Variants in HMGB1 observed in about 807,000 individuals in gnomAD.
HMGB1 encodes the protein high mobility group box 1.
For missense variants in HMGB1, 79 were observed against 253.5 expected (o/e 0.31, Z 4.67); for synonymous variants, 81 against 84.0 (o/e 0.96, Z 0.19).
At chr13:30,564,276 T>C (rs76753168) in intron 1 of HMGB1, among the ~76,000 whole-genome samples, 2 of 42,354 alleles carry the variant, frequency 4.7e-5, no homozygotes, top group Non-Finnish European at 8.5e-5. Flanking sequence ...CTACTAAAAA[T>C]GCAAAAAAAA....
chr13:30,463,906 A>G, intron 1 of HMGB1: 1 of 476,524 alleles, frequency 2.1e-6, no homozygotes, highest in Non-Finnish European at 3.5e-6. Context: ...ACAGTCCTTC[A>G]GGGCGATCTC....
At chr13:30,479,825 T>C (rs1232588591) in intron 1 of HMGB1, among the ~76,000 whole-genome samples, 1 of 152,240 alleles carries the variant, frequency 6.6e-6, no homozygotes, top group Non-Finnish European at 1.5e-5. Flanking sequence ...CAACAGATGT[T>C]GGATGTTATT....
chr13:30,572,302 T>TATG (rs1195427024), intron 1 of HMGB1, among the ~76,000 whole-genome samples: 2 of 152,250 alleles, frequency 1.3e-5, no homozygotes, highest in East Asian at 3.8e-4. Flanking sequence ...AACTTAGCTC[T>TATG]CAGAGACCGT....
chr13:30,579,698 C>A (rs1287177928), intron 1 of HMGB1, among the ~76,000 whole-genome samples: 1 of 152,092 alleles, frequency 6.6e-6, no homozygotes, highest in African/African-American at 2.4e-5. Context: ...CATAAGAGAA[C>A]GTACGTAAAT....
chr13:30,505,339 T>A (rs371236704), intron 1 of HMGB1, among the ~76,000 whole-genome samples: 2 of 151,896 alleles, frequency 1.3e-5, no homozygotes, highest in Admixed American at 6.6e-5. Context: ...CCACCAGGCC[T>A]GGCTAATTTT....
In HMGB1 at chr13:30,575,946, C is replaced by T. The variant is rs1279094059; in HGVS notation, c.-15+40725G>A. ...AGTGTGCTCAGGACATAACAGGAGC[C>T]GCTGGTAACATGCCATTTCCACTGT... On this transcript the variant is annotated intron_variant, in intron 1 of 4. Coordinates refer to the HMGB1 transcript ENST00000405805. 5.3e-5 allele frequency among the ~76,000 whole-genome samples: 8 copies of T among 152,130 alleles called. No individual in the cohort carries two copies. The East Asian group carries it at 1.2e-3, about 22-fold the overall frequency.
chr13:30,509,327 C>T (rs777855379), intron 1 of HMGB1, among the ~76,000 whole-genome samples: 27 of 151,988 alleles, frequency 1.8e-4, no homozygotes, highest in Non-Finnish European at 3.5e-4. Flanking sequence ...CAACCTCTGC[C>T]TCCTGGGTTC....
Position 30,460,596 on chromosome 13 carries a change from A to G in HMGB1, c.*761T>C, listed in dbSNP as rs1886260011. The G allele has an allele frequency of 6.6e-6, 1 of 152,626 alleles. No individual in the cohort carries two copies. Among genetic ancestry groups the G allele is most frequent in the South Asian group, 2.1e-4 (1 of 4,836 alleles). 9.5% of individuals were successfully genotyped at this position (152,626 alleles called of 1,614,324 possible). ...CAAGGACAGACTTTCAAAATGTTTG[A>G]TTCTAATAATCCCATGCTTTGAGTA... On this transcript the variant is annotated 3_prime_UTR_variant, in exon 5 of 5. Coordinates refer to ENST00000341423, the MANE Select transcript of HMGB1 (RefSeq NM_002128.7).
In HMGB1 at chr13:30,572,802, C is replaced by A. The variant is rs779174474; in HGVS notation, c.-15+43869G>T. On this transcript the variant is annotated intron_variant, in intron 1 of 4. Transcript: ENST00000405805. ...TGGGATTAAAAGAGACCGTGATTACCCTTCAGGGATTTTGGCAAAACTTAA... is the reference window on the plus strand; with the variant it reads ...TGGGATTAAAAGAGACCGTGATTACACTTCAGGGATTTTGGCAAAACTTAA... Among the ~76,000 whole-genome samples, 146 of 152,250 alleles carry A rather than the reference C, an allele frequency of 9.6e-4. 1 individual carries two copies. The highest frequency in any genetic ancestry group is 3.4e-3 in the Middle Eastern group (1 of 294).
chr13:30,504,524 CA>C (rs972344933), intron 1 of HMGB1, among the ~76,000 whole-genome samples: 11 of 151,512 alleles, frequency 7.3e-5, no homozygotes, highest in African/African-American at 2.4e-4. Context: ...TAAAGCTAGA[CA>C]AAAAAAATTA....
chr13:30,589,009 T>A (rs926041022), intron 1 of HMGB1, among the ~76,000 whole-genome samples: 6 of 146,632 alleles, frequency 4.1e-5, no homozygotes, highest in Non-Finnish European at 7.5e-5. Flanking sequence ...GTTTACCACT[T>A]TTTTTTTTTT....
At chr13:30,553,222 C>A (rs1287824717) in intron 1 of HMGB1, among the ~76,000 whole-genome samples, 1 of 152,142 alleles carries the variant, frequency 6.6e-6, no homozygotes, top group East Asian at 1.9e-4. Context: ...TCCGGGGGGT[C>A]ATTCTTCTGT....
At chr13:30,545,947 C>G (rs1869137993) in intron 1 of HMGB1, among the ~76,000 whole-genome samples, 1 of 152,168 alleles carries the variant, frequency 6.6e-6, no homozygotes, top group Non-Finnish European at 1.5e-5. Flanking sequence ...AGCGAACCAC[C>G]CACCTCGGCC....
At chr13:30,569,520 T>G (rs1267125570) in intron 1 of HMGB1, among the ~76,000 whole-genome samples, 2 of 152,174 alleles carry the variant, frequency 1.3e-5, no homozygotes, top group Admixed American at 1.3e-4. Flanking sequence ...ATTACCTTGT[T>G]TAACCTCTAC....
At chr13:30,501,597 G>A (rs1887737665) in intron 1 of HMGB1, among the ~76,000 whole-genome samples, 1 of 152,004 alleles carries the variant, frequency 6.6e-6, no homozygotes, top group African/African-American at 2.4e-5. Context: ...TTCCATTTTA[G>A]CAATAGCAAG....
At chr13:30,474,959 G>GTTTTTTTT (rs776923842) in intron 1 of HMGB1, among the ~76,000 whole-genome samples, 2 of 64,032 alleles carry the variant, frequency 3.1e-5, no homozygotes, top group African/African-American at 7.2e-5. Flanking sequence ...TTCTTTTTTT[G>GTTTTTTTT]TTTTTTTTTT....
At position 30,610,944 on chromosome 13, in the gene HMGB1, T is replaced by C. The variant is rs187448485; in HGVS notation, c.-15+5727A>G. On this transcript the variant is annotated intron_variant, in intron 1 of 4. Transcript: ENST00000405805. ...TGTTTTCATTATTCATTAGTTTTTA[T>C]CTAATGAATAATGTATCTTAACTGA... Among the ~76,000 whole-genome samples, 17 of 152,334 alleles carry C rather than the reference T, an allele frequency of 1.1e-4. No homozygotes were observed. The East Asian group carries it at 3.3e-3, about 29-fold the overall frequency.
intron 1 of HMGB1, among the ~76,000 whole-genome samples, chr13:30,548,339 C>T (rs1332462387): frequency 2.6e-5 from 4 of 152,092 alleles, no homozygotes; most frequent in Admixed American, 1.3e-4. Context: ...CCTTCCACCA[C>T]GATTGTAAGT....
chr13:30,549,715 T>G (rs1262302308), intron 1 of HMGB1, among the ~76,000 whole-genome samples: 1 of 151,006 alleles, frequency 6.6e-6, no homozygotes, highest in Non-Finnish European at 1.5e-5. Flanking sequence ...TTGTTTGTTT[T>G]TTTTTTTTTG....
Sources: allele counts gnomAD v4.1 joint callset (sites outside exome capture counted in the v4.1 genomes callset), GRCh38; gene constraint gnomAD v4.1.1; transcripts MANE v1.5; gene names NCBI Gene and HGNC (gene_info 2026-07-23, HGNC 2026-07-21).